Variants in GPD2 observed in about 807,000 individuals in gnomAD.
GPD2 encodes glycerol-3-phosphate dehydrogenase, mitochondrial.
Under a neutral mutation model 82.4 loss-of-function variants are expected in GPD2, and 54 were observed. The ratio of observed to expected loss-of-function variants is 0.66; its 90% confidence interval spans 0.53 to 0.82. The LOEUF is 0.82. GPD2 is among the 40% of genes least tolerant of loss of function. The probability of loss-of-function intolerance (pLI) is 0.00; values close to 1 mark genes in which losing one functional copy is unlikely to be tolerated. For missense variants in GPD2, 748 were observed against 896.2 expected (o/e 0.83, Z 2.11); for synonymous variants, 288 against 306.1 (o/e 0.94, Z 0.62).
the GPD2 span, among the ~76,000 whole-genome samples, chr2:156,403,114 C>A: frequency 1.0e-3 from 71 of 67,850 alleles, no homozygotes; most frequent in Middle Eastern, 0.01. Flanking sequence ...GCCCCTGTCT[C>A]AAAAAAAAAA....
the GPD2 span, among the ~76,000 whole-genome samples, chr2:156,415,085 T>C: frequency 2.6e-5 from 4 of 151,796 alleles, no homozygotes; most frequent in East Asian, 7.7e-4. Context: ...CATTGCACCA[T>C]ATTTGTAGTC....
At position 156,579,768 on chromosome 2, in the gene GPD2, G is replaced by A. The variant is rs745539157; in HGVS notation, c.2038G>A (p.Glu680Lys). 7.2e-6 allele frequency: 11 copies of A among 1,537,950 alleles called. No homozygotes were observed. In the South Asian group the frequency reaches 1.2e-4, roughly 17 times the overall value. Residue 680 changes from glutamate to lysine, a missense_variant, in exon 16 of 17, where the codon GAA (glutamate) becomes AAA (lysine). By Grantham distance (56) the Glu-to-Lys change is moderately conservative. This residue lies in a region of GPD2 where 10 missense variants were observed against 37.4 expected (regional missense o/e 0.27). Transcript: ENST00000438166. ...TGATTTGAATAAAAATGGACAGGTT[G>A]AACTCAATGAATTTTTGCAGGTGAG... is the stretch of plus-strand genomic sequence containing the variant. ...EVDLNKNGQV[E>K]LNEFLQLMSA...
At chr2:156,528,907 T>A (rs529945891) in intron 6 of GPD2, among the ~76,000 whole-genome samples, 1 of 152,292 alleles carries the variant, frequency 6.6e-6, no homozygotes, top group South Asian at 2.1e-4. Flanking sequence ...ATAGTGTGCA[T>A]GTGTCTTTAT....
intron 1 of GPD2, among the ~76,000 whole-genome samples, chr2:156,474,462 G>A (rs1683435176): frequency 1.3e-5 from 2 of 152,124 alleles, no homozygotes; most frequent in Non-Finnish European, 2.9e-5. Flanking sequence ...GCTATCAGTA[G>A]AATGTAACGT....
intron 6 of GPD2, among the ~76,000 whole-genome samples, chr2:156,516,073 T>C (rs901389951): frequency 6.6e-6 from 1 of 152,220 alleles, no homozygotes; most frequent in Non-Finnish European, 1.5e-5. Context: ...TATTACAGTA[T>C]CATCCTGCTA....
chr2:156,451,265 C>CAG (rs1682558272), intron 1 of GPD2, among the ~76,000 whole-genome samples: 1 of 151,482 alleles, frequency 6.6e-6, no homozygotes, highest in Non-Finnish European at 1.5e-5. Context: ...CCTCACCTCC[C>CAG]GGACGGGGCA....
chr2:156,500,332 A>G (rs995762483), intron 3 of GPD2, among the ~76,000 whole-genome samples: 4 of 152,256 alleles, frequency 2.6e-5, no homozygotes, highest in Admixed American at 2.6e-4. Flanking sequence ...AAGGTAATCT[A>G]TATTTATCCT....
At chr2:156,437,260 AAGTT>A (rs1353797502) in intron 1 of GPD2, among the ~76,000 whole-genome samples, 2 of 152,242 alleles carry the variant, frequency 1.3e-5, no homozygotes, top group African/African-American at 4.8e-5. Context: ...TGAGGGAAGG[AAGTT>A]AGTAAGTGAC....
chr2:156,508,799 AC>A (rs1253915912), intron 3 of GPD2, among the ~76,000 whole-genome samples: 14 of 152,338 alleles, frequency 9.2e-5, no homozygotes, highest in African/African-American at 3.1e-4. Context: ...GATATAGCTC[AC>A]TGAGATAGTG....
the GPD2 span, among the ~76,000 whole-genome samples, chr2:156,411,110 C>G: frequency 2.0e-5 from 3 of 152,104 alleles, no homozygotes; most frequent in East Asian, 5.8e-4. Context: ...AAATAATTAC[C>G]ATAAACTAGA....
intron 2 of GPD2, among the ~76,000 whole-genome samples, chr2:156,483,861 A>G (rs1006310044): frequency 6.6e-6 from 1 of 152,180 alleles, no homozygotes; most frequent in African/African-American, 2.4e-5. Context: ...TTTAACCTCA[A>G]TTAGAAACAT....
the GPD2 span, among the ~76,000 whole-genome samples, chr2:156,416,173 C>CATATAT: frequency 6.7e-6 from 1 of 149,860 alleles, no homozygotes; most frequent in Admixed American, 6.7e-5. Context: ...GTTGTATATA[C>CATATAT]ATATATATAT....
At chr2:156,500,559 A>G (rs1221613069) in intron 3 of GPD2, among the ~76,000 whole-genome samples, 1 of 152,172 alleles carries the variant, frequency 6.6e-6, no homozygotes, top group Non-Finnish European at 1.5e-5. Flanking sequence ...GTCACATTTG[A>G]CAAAAATAAA....
intron 8 of GPD2, among the ~76,000 whole-genome samples, chr2:156,551,221 C>G (rs909943204): frequency 1.3e-5 from 2 of 151,700 alleles, no homozygotes; most frequent in Non-Finnish European, 2.9e-5. Flanking sequence ...TTGTAGCAAG[C>G]AAAAACCAGA....
At chr2:156,412,520 G>C in the GPD2 span, among the ~76,000 whole-genome samples, 1 of 151,412 alleles carries the variant, frequency 6.6e-6, no homozygotes, top group African/African-American at 2.4e-5. Flanking sequence ...CTGTAATTTT[G>C]ATGGGGGCAT....
Position 156,489,756 on chromosome 2 carries a change from CTTCTCTTCG to C in GPD2, c.103-6286_103-6278del, listed in dbSNP as rs1368945867. On this transcript the variant is annotated intron_variant, in intron 2 of 16. Coordinates refer to ENST00000438166, the MANE Select transcript of GPD2 (RefSeq NM_000408.5). Reference sequence around the variant, plus strand: ...CCTCCCTCCCTCCCTCCCTCGCTCCCTTCTCTTCGTCCCTTCCCTCCTCTCCCCTCCGCT... The same window carrying C: ...CCTCCCTCCCTCCCTCCCTCGCTCCCTCCCTTCCCTCCTCTCCCCTCCGCT... 2.2e-4 allele frequency among the ~76,000 whole-genome samples: 23 copies of C among 105,570 alleles called. 2 individuals carry two copies. The South Asian group carries it at 8.3e-3, about 38-fold the overall frequency. The allele number at this position is 105,570 out of a possible 152,430, so 69.3% of individuals were successfully genotyped here.
the GPD2 span, among the ~76,000 whole-genome samples, chr2:156,407,914 TATTTA>T: frequency 6.6e-6 from 1 of 151,928 alleles, no homozygotes; most frequent in Non-Finnish European, 1.5e-5. Flanking sequence ...TCCTTGCACT[TATTTA>T]ATCCTCTGCT....
intron 6 of GPD2, among the ~76,000 whole-genome samples, chr2:156,526,119 A>G (rs941945643): frequency 6.6e-6 from 1 of 152,206 alleles, no homozygotes; most frequent in Non-Finnish European, 1.5e-5. Context: ...GGTGAATTTA[A>G]AAGCAGGGAC....
chr2:156,576,681 G>A (rs1251611426), intron 13 of GPD2, among the ~76,000 whole-genome samples: 1 of 152,216 alleles, frequency 6.6e-6, no homozygotes, highest in Non-Finnish European at 1.5e-5. Context: ...TAAAGGAAAT[G>A]TGGGGTAAGG....
Sources: gnomAD v4.1 joint callset for allele counts (sites outside exome capture counted in the v4.1 genomes callset) on GRCh38, gnomAD v4.1.1 for gene constraint, gnomAD v4.1.1 regional missense constraint, MANE v1.5 for transcripts, NCBI Gene and HGNC (gene_info 2026-07-23, HGNC 2026-07-21) for gene names.